The following DENND1A variants were observed in gnomAD, a reference collection of about 807,000 sequenced individuals.
DENND1A encodes the protein DENN domain containing 1A.
In DENND1A, 51 loss-of-function variants were observed where a neutral mutation model predicts 113.7. That is an observed-to-expected ratio of 0.45 (90% confidence interval 0.36 to 0.57). The LOEUF is 0.57. Among genes scored for constraint, DENND1A ranks in the 20% least tolerant of loss-of-function variants. The pLI, the probability that DENND1A is intolerant of heterozygous loss-of-function variation, is 0.00. For synonymous variants in DENND1A, 565 were observed against 570.8 expected, an observed-to-expected ratio of 0.99 and a Z score of 0.14; for missense variants, 1,258 against 1,395.9, an observed-to-expected ratio of 0.90 and a Z score of 1.57.
intron 13 of DENND1A, among the ~76,000 whole-genome samples, chr9:123,511,877 T>C (rs1013786280): frequency 1.3e-5 from 2 of 152,210 alleles, no homozygotes; most frequent in Non-Finnish European, 2.9e-5. Flanking sequence ...CCAGTGTCCC[T>C]TGGCTCCCAA....
intron 4 of DENND1A, 22 bp from the exon 5 acceptor site, chr9:123,757,844 G>C: frequency 6.2e-7 from 1 of 1,610,354 alleles, no homozygotes; most frequent in Non-Finnish European, 8.5e-7. Flanking sequence ...GCAGAACAAA[G>C]GGGAAAATGA....
At chr9:123,729,889 T>C (rs577786677) in intron 5 of DENND1A, among the ~76,000 whole-genome samples, 432 of 152,272 alleles carry the variant, frequency 2.8e-3, no homozygotes, top group African/African-American at 9.8e-3. Flanking sequence ...CAAAACAGCA[T>C]GGTACTGATA....
At chr9:123,731,088 C>A (rs1564155689) in intron 5 of DENND1A, among the ~76,000 whole-genome samples, 1 of 151,990 alleles carries the variant, frequency 6.6e-6, no homozygotes, top group Non-Finnish European at 1.5e-5. Flanking sequence ...GGGAACATCA[C>A]ACACCGGGGT....
chr9:123,598,471 A>AAGG, intron 11 of DENND1A, among the ~76,000 whole-genome samples: 1 of 151,922 alleles, frequency 6.6e-6, no homozygotes, highest in African/African-American at 2.4e-5. Flanking sequence ...AAAAAAAAAA[A>AAGG]AAAAAACCAA....
At chr9:123,847,883 G>A (rs141530066) in intron 2 of DENND1A, among the ~76,000 whole-genome samples, 1,671 of 152,224 alleles carry the variant, frequency 0.011, 19 homozygotes, top group Non-Finnish European at 0.016. Flanking sequence ...GCAGTGAGCC[G>A]AGATAGCCCC....
intron 5 of DENND1A, among the ~76,000 whole-genome samples, chr9:123,731,816 CAAATCATATATCTGAAA>C (rs888675334): frequency 1.3e-5 from 2 of 151,996 alleles, no homozygotes; most frequent in South Asian, 2.1e-4. Context: ...ATGTGATTTG[CAAATCATATATCTGAAA>C]AAAGATTTAT....
chr9:123,626,740 A>T (rs898541759), intron 10 of DENND1A, among the ~76,000 whole-genome samples: 13 of 152,124 alleles, frequency 8.5e-5, no homozygotes, highest in Admixed American at 8.5e-4. Context: ...AAGCACAGGG[A>T]GTTTAAGGAA....
At chr9:123,655,051 T>G (rs1172528616) in intron 8 of DENND1A, among the ~76,000 whole-genome samples, 3 of 152,142 alleles carry the variant, frequency 2.0e-5, no homozygotes, top group African/African-American at 7.2e-5. Flanking sequence ...ACCTGGAAAT[T>G]GTAATTACTC....
chr9:123,470,150 A>G (rs10448282), intron 13 of DENND1A, among the ~76,000 whole-genome samples: 148,926 of 152,230 alleles, frequency 0.98, 72,907 homozygotes, highest in Middle Eastern at 1. Context: ...CAGATACAAT[A>G]GAGGTAATAG....
intron 13 of DENND1A, among the ~76,000 whole-genome samples, chr9:123,512,309 G>T (rs1436173501): frequency 6.6e-6 from 1 of 152,228 alleles, no homozygotes; most frequent in Non-Finnish European, 1.5e-5. Flanking sequence ...AGAGGGCCAG[G>T]CCCCATGAGG....
At chr9:123,382,710 G>A in intron 23 of DENND1A, 85 bp from the exon 24 acceptor site, 1 of 1,402,208 alleles carries the variant, frequency 7.1e-7, no homozygotes, top group Admixed American at 1.9e-5. Flanking sequence ...TCTGTGTGCT[G>A]AATGTGTGCT....
intron 19 of DENND1A, among the ~76,000 whole-genome samples, chr9:123,435,263 A>C (rs2046432721): frequency 6.6e-6 from 1 of 152,170 alleles, no homozygotes; most frequent in Non-Finnish European, 1.5e-5. Flanking sequence ...AAGGGTGCTG[A>C]GAAGGCATTT....
intron 5 of DENND1A, chr9:123,751,140 G>A (rs2069989382): frequency 6.6e-6 from 1 of 152,216 alleles, no homozygotes; most frequent in Non-Finnish European, 1.5e-5. Flanking sequence ...CAGTCAGCAA[G>A]GAAAGCCAAA....
chr9:123,691,788 G>T (rs2065206665), intron 5 of DENND1A, among the ~76,000 whole-genome samples: 1 of 152,102 alleles, frequency 6.6e-6, no homozygotes, highest in African/African-American at 2.4e-5. Flanking sequence ...ACAATTTTAA[G>T]ACCAATGTGG....
chr9:123,537,891 A>T (rs1564674024), intron 13 of DENND1A, among the ~76,000 whole-genome samples: 1 of 152,214 alleles, frequency 6.6e-6, no homozygotes, highest in Non-Finnish European at 1.5e-5. Context: ...GTTCCCAGGA[A>T]CTTTCCTAGG....
intron 8 of DENND1A, 107 bp from the exon 9 acceptor site, chr9:123,652,230 G>A (rs1036290387): frequency 1.1e-6 from 1 of 940,934 alleles, no homozygotes; most frequent in African/African-American, 1.7e-5. Flanking sequence ...AGTATACTCT[G>A]TTCTTTCCCT....
At chr9:123,469,606 A>C (rs2049234089) in intron 13 of DENND1A, among the ~76,000 whole-genome samples, 1 of 152,270 alleles carries the variant, frequency 6.6e-6, no homozygotes, top group Non-Finnish European at 1.5e-5. Context: ...CTAAGGAGAC[A>C]CAATGAAGGT....
At chr9:123,483,711 T>C (rs986310955) in intron 13 of DENND1A, among the ~76,000 whole-genome samples, 1 of 152,226 alleles carries the variant, frequency 6.6e-6, no homozygotes, top group African/African-American at 2.4e-5. Context: ...GCTCTGTCGC[T>C]CATTATCCAT....
intron 3 of DENND1A, among the ~76,000 whole-genome samples, chr9:123,791,077 A>G (rs926955484): frequency 9.2e-5 from 14 of 152,290 alleles, no homozygotes; most frequent in African/African-American, 3.4e-4. Flanking sequence ...ATAGTAAGAA[A>G]CTATGTTGAA....
Sources: gnomAD v4.1 joint callset for allele counts (sites outside exome capture counted in the v4.1 genomes callset) on GRCh38, gnomAD v4.1.1 for gene constraint, MANE v1.5 for transcripts, NCBI Gene and HGNC (gene_info 2026-07-23, HGNC 2026-07-21) for gene names.